CNTN4: variants seen among roughly 807,000 people sequenced by gnomAD.
CNTN4 encodes the protein contactin 4.
Under a neutral mutation model 122.5 loss-of-function variants are expected in CNTN4, and 77 were observed. That is an observed-to-expected ratio of 0.63 (90% CI 0.52 to 0.76). The LOEUF (loss-of-function observed/expected upper bound fraction) is 0.76, where lower values mean the gene tolerates loss of function less well. CNTN4 is among the 30% of genes least tolerant of loss of function. The pLI, the probability that CNTN4 is intolerant of heterozygous loss-of-function variation, is 0.00. For synonymous variants in CNTN4, 512 were observed against 447.0 expected (o/e 1.15, Z -1.83); for missense variants, 1,256 against 1,259.1 (o/e 1.00, Z 0.04).
At chr3:2,802,881 G>T (rs188900374) in intron 6 of CNTN4, among the ~76,000 whole-genome samples, 1 of 152,240 alleles carries the variant, frequency 6.6e-6, no homozygotes, top group Non-Finnish European at 1.5e-5. Context: ...AAAAATGTAG[G>T]AGAATATCTT....
chr3:2,933,078 TC>T (rs2094538338), intron 13 of CNTN4, among the ~76,000 whole-genome samples: 2 of 152,112 alleles, frequency 1.3e-5, no homozygotes, highest in Admixed American at 1.3e-4. Context: ...CGCCTCGGCC[TC>T]CCAAAGTGCT....
chr3:2,554,886 G>T (rs1322620824), intron 3 of CNTN4, among the ~76,000 whole-genome samples: 1 of 152,182 alleles, frequency 6.6e-6, no homozygotes, highest in Non-Finnish European at 1.5e-5. Flanking sequence ...AAGAACGTTT[G>T]TCCCATGGGA....
At chr3:2,405,258 G>A (rs532104327) in intron 3 of CNTN4, among the ~76,000 whole-genome samples, 2 of 152,218 alleles carry the variant, frequency 1.3e-5, no homozygotes, top group East Asian at 3.9e-4. Context: ...GCTTTGTTTG[G>A]TGAGAGAGCT....
intron 13 of CNTN4, among the ~76,000 whole-genome samples, chr3:2,971,622 G>A (rs1692933818): frequency 6.6e-6 from 1 of 152,018 alleles, no homozygotes; most frequent in Non-Finnish European, 1.5e-5. Flanking sequence ...TTATAGAAAG[G>A]ATCAGAGTTG....
chr3:2,923,170 C>A (rs1382751934), intron 12 of CNTN4, among the ~76,000 whole-genome samples: 4 of 152,198 alleles, frequency 2.6e-5, no homozygotes, highest in Admixed American at 2.0e-4. Context: ...TGCAGAATTT[C>A]TCCTGAATGG....
chr3:2,513,108 A>G (rs1282847258), intron 3 of CNTN4, among the ~76,000 whole-genome samples: 1 of 152,192 alleles, frequency 6.6e-6, no homozygotes, highest in Non-Finnish European at 1.5e-5. Flanking sequence ...AAACAGTCCC[A>G]GGGCTGTCCT....
At chr3:2,923,766 T>C (rs1469134288) in intron 12 of CNTN4, among the ~76,000 whole-genome samples, 1 of 152,220 alleles carries the variant, frequency 6.6e-6, no homozygotes. Flanking sequence ...ATTTAACTTA[T>C]CTTTTTAATC....
chr3:2,664,902 G>A (rs1247317871), intron 4 of CNTN4, among the ~76,000 whole-genome samples: 1 of 152,184 alleles, frequency 6.6e-6, no homozygotes, highest in South Asian at 2.1e-4. Context: ...TGATTTGTAA[G>A]TGGGTTTGGC....
chr3:2,390,628 AG>A (rs2046409502), intron 3 of CNTN4, among the ~76,000 whole-genome samples: 1 of 152,222 alleles, frequency 6.6e-6, no homozygotes, highest in African/African-American at 2.4e-5. Flanking sequence ...AATAACATAC[AG>A]GTTAAATATT....
intron 3 of CNTN4, among the ~76,000 whole-genome samples, chr3:2,539,289 T>C (rs2077938327): frequency 6.6e-6 from 1 of 152,064 alleles, no homozygotes; most frequent in African/African-American, 2.4e-5. Flanking sequence ...AGAATTCTGA[T>C]TTTCTGAATA....
chr3:2,572,972 C>T (rs1207322093), intron 4 of CNTN4, among the ~76,000 whole-genome samples: 5 of 152,170 alleles, frequency 3.3e-5, no homozygotes, highest in Non-Finnish European at 7.3e-5. Flanking sequence ...TCTTCCACGA[C>T]CCTTAAGAAG....
chr3:2,163,136 T>G (rs2036037081), intron 2 of CNTN4, among the ~76,000 whole-genome samples: 1 of 152,200 alleles, frequency 6.6e-6, no homozygotes, highest in South Asian at 2.1e-4. Flanking sequence ...ATCAGCATGG[T>G]ACTGGTATAA....
chr3:2,852,569 T>A (rs2093564806), intron 7 of CNTN4, among the ~76,000 whole-genome samples: 1 of 152,192 alleles, frequency 6.6e-6, no homozygotes, highest in South Asian at 2.1e-4. Context: ...TAAGTAGCAA[T>A]TTGGCTACAG....
intron 3 of CNTN4, among the ~76,000 whole-genome samples, chr3:2,411,688 T>C (rs1047072215): frequency 1.3e-5 from 2 of 152,190 alleles, no homozygotes; most frequent in Non-Finnish European, 2.9e-5. Context: ...TCCTTTCCTT[T>C]ATAATAAAAA....
chr3:2,588,398 G>C (rs1294082880), intron 4 of CNTN4, among the ~76,000 whole-genome samples: 1 of 152,014 alleles, frequency 6.6e-6, no homozygotes, highest in African/African-American at 2.4e-5. Context: ...ACAGAGCCTC[G>C]CACTATTGTC....
intron 3 of CNTN4, among the ~76,000 whole-genome samples, chr3:2,558,397 C>G (rs1373915898): frequency 6.6e-6 from 1 of 152,132 alleles, no homozygotes; most frequent in Non-Finnish European, 1.5e-5. Flanking sequence ...CCTTCGCCTG[C>G]CTTTTGTGAT....
chr3:2,115,039 T>G (rs890551437), intron 2 of CNTN4, among the ~76,000 whole-genome samples: 1 of 152,176 alleles, frequency 6.6e-6, no homozygotes, highest in Non-Finnish European at 1.5e-5. Context: ...TGCAGTCTTG[T>G]GTGATGATGA....
Position 2,128,605 on chromosome 3 carries a change from T to G in CNTN4, c.-145+27966T>G, listed in dbSNP as rs575741350. ...GATTTTGTCAAACAAGCTGGTATCA[T>G]GAGGAAGTCAGTTTGGATGATGATG... is the stretch of plus-strand genomic sequence containing the variant. On this transcript the variant is annotated intron_variant, in intron 2 of 24. Coordinates refer to ENST00000418658, the MANE Select transcript of CNTN4 (RefSeq NM_175607.3). 9.2e-5 allele frequency among the ~76,000 whole-genome samples: 14 copies of G among 152,310 alleles called. 1 individual carries two copies. In the South Asian group the frequency reaches 2.9e-3, roughly 32 times the overall value.
chr3:3,033,970 A>G (rs149882923), intron 16 of CNTN4, among the ~76,000 whole-genome samples: 1 of 152,282 alleles, frequency 6.6e-6, no homozygotes, highest in East Asian at 1.9e-4. Flanking sequence ...TATCTAGCCT[A>G]ATTTTGAAAT....
Sources: gnomAD v4.1 joint callset for allele counts (sites outside exome capture counted in the v4.1 genomes callset) on GRCh38, gnomAD v4.1.1 for gene constraint, MANE v1.5 for transcripts, NCBI Gene and HGNC (gene_info 2026-07-23, HGNC 2026-07-21) for gene names.